The following RTN4RL1 variants were observed in gnomAD, a reference collection of about 807,000 sequenced individuals.
RTN4RL1 encodes reticulon 4 receptor like 1, also known as reticulon-4 receptor-like 1.
In RTN4RL1, 7 loss-of-function variants were observed where a neutral mutation model predicts 25.6. The observed-to-expected ratio is 0.27, with a 90% confidence interval of 0.16 to 0.51. The LOEUF (loss-of-function observed/expected upper bound fraction) is 0.51, where lower values mean the gene tolerates loss of function less well. RTN4RL1 is among the 20% of genes least tolerant of loss of function. RTN4RL1 has a pLI of 0.97. For missense variants in RTN4RL1, 500 were observed against 615.6 expected (o/e 0.81, Z 1.99); for synonymous variants, 297 against 288.2 (o/e 1.03, Z -0.31).
At chr17:1,950,111 C>G (rs150280483) in intron 1 of RTN4RL1, among the ~76,000 whole-genome samples, 1 of 151,852 alleles carries the variant, frequency 6.6e-6, no homozygotes, top group East Asian at 1.9e-4. Context: ...GGGGCGGGAG[C>G]AACAGGATTG....
intron 1 of RTN4RL1, among the ~76,000 whole-genome samples, chr17:1,946,791 GA>G (rs1915556077): frequency 7.3e-6 from 1 of 136,646 alleles, no homozygotes; most frequent in Non-Finnish European, 1.5e-5. Flanking sequence ...TGTGCATGGC[GA>G]ATGTGTGCGT....
At chr17:2,011,994 A>C (rs2067055815) in intron 1 of RTN4RL1, among the ~76,000 whole-genome samples, 2 of 152,152 alleles carry the variant, frequency 1.3e-5, no homozygotes. Flanking sequence ...GAGAGGAAGC[A>C]GTTCAAAGTA....
intron 1 of RTN4RL1, among the ~76,000 whole-genome samples, chr17:1,992,585 T>C (rs2066914265): frequency 6.6e-6 from 1 of 152,198 alleles, no homozygotes; most frequent in Admixed American, 6.5e-5. Context: ...ATTATCGCTG[T>C]TGTGATCCAG....
intron 1 of RTN4RL1, among the ~76,000 whole-genome samples, chr17:1,993,087 G>C (rs6503140): frequency 6.6e-6 from 1 of 151,584 alleles, no homozygotes; most frequent in Admixed American, 6.6e-5. Flanking sequence ...TACTAAAAAA[G>C]AATACAAAAA....
rs114611337 is a variant in RTN4RL1 at position 1,985,307 on chromosome 17, C to G, written c.13+39546G>C. The stretch of plus-strand genomic sequence containing the variant: ...TCTCACCTCCTCTGTCAACTCTGCC[C>G]GGAAATGTGGGCCTTCCCTCTACCT... On this transcript the variant is annotated intron_variant, in intron 1 of 1. Transcript: ENST00000331238. Among the ~76,000 whole-genome samples the G allele has an allele frequency of 2.6e-5, 4 of 152,180 alleles. No homozygotes were observed. In the South Asian group the frequency reaches 8.3e-4, roughly 31 times the overall value.
intron 1 of RTN4RL1, among the ~76,000 whole-genome samples, chr17:1,974,621 A>C (rs539790280): frequency 9.7e-4 from 147 of 151,562 alleles, no homozygotes; most frequent in Non-Finnish European, 1.7e-3. Flanking sequence ...AGGGTAAAGA[A>C]AGGGACTGGA....
chr17:1,981,446 A>G (rs1164759722), intron 1 of RTN4RL1, among the ~76,000 whole-genome samples: 1 of 152,176 alleles, frequency 6.6e-6, no homozygotes, highest in Non-Finnish European at 1.5e-5. Flanking sequence ...TTTTCTTTGC[A>G]TAACTCTGCT....
intron 1 of RTN4RL1, among the ~76,000 whole-genome samples, chr17:1,947,537 C>T (rs1178633211): frequency 6.6e-6 from 1 of 152,236 alleles, no homozygotes; most frequent in Non-Finnish European, 1.5e-5. Flanking sequence ...ACTCCAGGTC[C>T]CTCCAGCACG....
rs903534945 is a variant in RTN4RL1, at chr17:2,007,818, C to T, written c.13+17035G>A. Among the ~76,000 whole-genome samples, 4 of 151,804 alleles carry T rather than the reference C, an allele frequency of 2.6e-5. No individual in the cohort carries two copies. In the East Asian group the frequency reaches 5.8e-4, roughly 22 times the overall value. ...AGAATTAGCCAGGCATGGTGGCACG[C>T]GCCTGTAATCCCAGCTACTCAGGAG... On this transcript the variant is annotated intron_variant, in intron 1 of 1. Coordinates refer to ENST00000331238, the MANE Select transcript of RTN4RL1 (RefSeq NM_178568.4).
chr17:1,957,333 C>T (rs927432763), intron 1 of RTN4RL1, among the ~76,000 whole-genome samples: 2 of 152,088 alleles, frequency 1.3e-5, no homozygotes, highest in African/African-American at 2.4e-5. Flanking sequence ...CCAACTGGCC[C>T]GTGAGCTATG....
At chr17:1,966,079 C>G (rs566286529) in intron 1 of RTN4RL1, among the ~76,000 whole-genome samples, 15 of 152,110 alleles carry the variant, frequency 9.9e-5, no homozygotes, top group Non-Finnish European at 2.1e-4. Flanking sequence ...AGGTCAACAG[C>G]CCCCCGCCCA....
intron 1 of RTN4RL1, among the ~76,000 whole-genome samples, chr17:2,006,227 G>A (rs537561490): frequency 2.5e-4 from 37 of 149,868 alleles, no homozygotes; most frequent in African/African-American, 7.7e-4. Context: ...GCACAATCTC[G>A]GCTCACTGTA....
chr17:1,951,849 G>A (rs923280452), intron 1 of RTN4RL1, among the ~76,000 whole-genome samples: 1 of 152,218 alleles, frequency 6.6e-6, no homozygotes, highest in Non-Finnish European at 1.5e-5. Flanking sequence ...CTGATTTGGC[G>A]ACTTGGAGGC....
intron 1 of RTN4RL1, among the ~76,000 whole-genome samples, chr17:2,010,293 C>T (rs1434545873): frequency 1.5e-5 from 2 of 133,062 alleles, no homozygotes; most frequent in Non-Finnish European, 3.3e-5. Context: ...CCCATCTCTT[C>T]TAAAAATAAA....
At chr17:1,991,446 T>TAAA (rs764604442) in intron 1 of RTN4RL1, among the ~76,000 whole-genome samples, 4 of 31,244 alleles carry the variant, frequency 1.3e-4, no homozygotes, top group African/African-American at 4.8e-4. Context: ...ATGCACATAG[T>TAAA]AAAAAAAAAA....
At chr17:2,001,616 T>G (rs1479215589) in intron 1 of RTN4RL1, 1 of 152,280 alleles carries the variant, frequency 6.6e-6, no homozygotes, top group Non-Finnish European at 1.5e-5. Flanking sequence ...GAGACTCAAG[T>G]GCTTGTTCCA....
chr17:1,978,386 C>T (rs949477182), intron 1 of RTN4RL1, among the ~76,000 whole-genome samples: 1 of 152,258 alleles, frequency 6.6e-6, no homozygotes, highest in African/African-American at 2.4e-5. Context: ...CACACATACA[C>T]CTTCTCCTGT....
chr17:1,953,423 G>C (rs1214694479), intron 1 of RTN4RL1, among the ~76,000 whole-genome samples: 1 of 151,994 alleles, frequency 6.6e-6, no homozygotes, highest in Non-Finnish European at 1.5e-5. Context: ...ATTGGGGGGA[G>C]GGATAGCATT....
At chr17:1,966,538 C>T (rs570537638) in intron 1 of RTN4RL1, among the ~76,000 whole-genome samples, 4 of 152,242 alleles carry the variant, frequency 2.6e-5, no homozygotes, top group Admixed American at 2.6e-4. Context: ...TGCTTCCCAG[C>T]GCTCAGTGGA....
Sources: allele counts gnomAD v4.1 joint callset (sites outside exome capture counted in the v4.1 genomes callset), GRCh38; gene constraint gnomAD v4.1.1; transcripts MANE v1.5; gene names NCBI Gene and HGNC (gene_info 2026-07-23, HGNC 2026-07-21).